The following STK39 variants were observed in gnomAD, a reference collection of about 807,000 sequenced individuals.
STK39 encodes the protein serine/threonine kinase 39, also known as STE20/SPS1-related proline-alanine-rich protein kinase.
Under a neutral mutation model 77.8 loss-of-function variants are expected in STK39, and 20 were observed. The observed-to-expected ratio is 0.26, with a 90% CI of 0.18 to 0.37. The LOEUF (loss-of-function observed/expected upper bound fraction) is 0.37, where lower values mean the gene tolerates loss of function less well. Ranked by LOEUF, STK39 falls within the 10% of genes least tolerant of loss-of-function variation. The pLI, the probability that STK39 is intolerant of heterozygous loss-of-function variation, is 1.00. For synonymous variants in STK39, 246 were observed against 234.1 expected, an observed-to-expected ratio of 1.05 and a Z score of -0.47; for missense variants, 479 against 656.5, an observed-to-expected ratio of 0.73 and a Z score of 2.95.
chr2:168,058,816 C>T (rs957106392), intron 14 of STK39, among the ~76,000 whole-genome samples: 7 of 152,258 alleles, frequency 4.6e-5, no homozygotes, highest in Non-Finnish European at 1.0e-4. Context: ...GGGACTCTCA[C>T]AGCCACCTTA....
intron 14 of STK39, among the ~76,000 whole-genome samples, chr2:168,038,011 A>G (rs1685002541): frequency 1.3e-5 from 2 of 152,162 alleles, no homozygotes; most frequent in African/African-American, 4.8e-5. Context: ...AACTATGTAA[A>G]TGTGTTTTGT....
chr2:168,152,595 G>A (rs1466735808), intron 5 of STK39, among the ~76,000 whole-genome samples: 1 of 152,184 alleles, frequency 6.6e-6, no homozygotes. Context: ...AGATTTGAGA[G>A]TGAAGTGCTT....
At chr2:168,018,578 G>T (rs1684489129) in intron 14 of STK39, among the ~76,000 whole-genome samples, 2 of 144,390 alleles carry the variant, frequency 1.4e-5, no homozygotes, top group Non-Finnish European at 3.0e-5. Context: ...AAGAAAGAAA[G>T]AAAGAAAGAA....
intron 16 of STK39, among the ~76,000 whole-genome samples, chr2:167,980,517 G>C (rs1244033765): frequency 6.6e-6 from 1 of 152,194 alleles, no homozygotes; most frequent in Non-Finnish European, 1.5e-5. Flanking sequence ...CGGATATGAG[G>C]AATGCTACCT....
intron 14 of STK39, among the ~76,000 whole-genome samples, chr2:168,035,734 G>A (rs1279916679): frequency 6.6e-6 from 1 of 152,188 alleles, no homozygotes; most frequent in East Asian, 1.9e-4. Flanking sequence ...GAGCTGGAAG[G>A]AAACTTTGTG....
intron 1 of STK39, among the ~76,000 whole-genome samples, chr2:168,246,325 T>C (rs1198984958): frequency 6.6e-6 from 1 of 152,212 alleles, no homozygotes; most frequent in Non-Finnish European, 1.5e-5. Context: ...CTTCAAGTGC[T>C]TGGCCCAAGG....
At chr2:167,968,642 G>C (rs1025695566) in intron 16 of STK39, among the ~76,000 whole-genome samples, 1 of 152,176 alleles carries the variant, frequency 6.6e-6, no homozygotes, top group African/African-American at 2.4e-5. Flanking sequence ...TACCTGACAA[G>C]GTGATGACTT....
intron 14 of STK39, among the ~76,000 whole-genome samples, chr2:168,062,421 G>A (rs1190477472): frequency 1.3e-5 from 2 of 152,214 alleles, no homozygotes; most frequent in African/African-American, 4.8e-5. Flanking sequence ...CAAGGCTACT[G>A]TCAAATATAA....
intron 5 of STK39, among the ~76,000 whole-genome samples, chr2:168,148,159 G>A (rs565363431): frequency 9.9e-5 from 15 of 152,188 alleles, no homozygotes; most frequent in Admixed American, 3.9e-4. Context: ...AAGTGCTTTC[G>A]CTCCCTTAAC....
chr2:167,978,692 G>A (rs1343392454), intron 16 of STK39, among the ~76,000 whole-genome samples: 1 of 152,112 alleles, frequency 6.6e-6, no homozygotes, highest in Non-Finnish European at 1.5e-5. Flanking sequence ...ACACACTCAT[G>A]AAACCATCAC....
chr2:168,089,200 C>A (rs570562844), intron 10 of STK39, among the ~76,000 whole-genome samples: 6 of 152,306 alleles, frequency 3.9e-5, no homozygotes, highest in Admixed American at 3.9e-4. Context: ...AGTTCCTAGG[C>A]AAAGAGTGTC....
intron 1 of STK39, among the ~76,000 whole-genome samples, chr2:168,225,286 CTG>C (rs2105249304): frequency 1.2e-5 from 1 of 83,316 alleles, no homozygotes; most frequent in East Asian, 2.3e-4. Flanking sequence ...GGAGAAGATA[CTG>C]CTGATAAAAC....
intron 17 of STK39, among the ~76,000 whole-genome samples, chr2:167,956,696 ACTCTCTCTCTCTCT>A (rs869141537): frequency 8.2e-5 from 4 of 49,014 alleles, no homozygotes; most frequent in South Asian, 1.3e-3. Context: ...ACACACACAC[ACTCTCTCTCTCTCT>A]CTCTCTCTCT....
chr2:168,079,209 C>T (rs971774627), intron 10 of STK39, among the ~76,000 whole-genome samples: 3 of 152,018 alleles, frequency 2.0e-5, no homozygotes, highest in Admixed American at 6.6e-5. Context: ...CTGACCACCA[C>T]CTCTCTCGGC....
At chr2:168,056,816 C>G (rs899683730) in intron 14 of STK39, among the ~76,000 whole-genome samples, 28 of 152,254 alleles carry the variant, frequency 1.8e-4, no homozygotes, top group Middle Eastern at 6.8e-3. Context: ...CTGATCAACA[C>G]CAGCCAAAAG....
chr2:168,132,410 T>C (rs1687722780), intron 8 of STK39, among the ~76,000 whole-genome samples: 1 of 151,896 alleles, frequency 6.6e-6, no homozygotes, highest in Admixed American at 6.6e-5. Flanking sequence ...AAAAAAAAAA[T>C]CTGATCCTCT....
chr2:167,956,450 G>A (rs1483850612), intron 17 of STK39, among the ~76,000 whole-genome samples: 2 of 152,010 alleles, frequency 1.3e-5, no homozygotes, highest in Non-Finnish European at 2.9e-5. Flanking sequence ...CCAGCTACTT[G>A]GGAGGCTGAG....
intron 16 of STK39, among the ~76,000 whole-genome samples, chr2:167,969,126 G>T (rs1023468841): frequency 6.6e-6 from 1 of 152,128 alleles, no homozygotes. Context: ...TCACTGATAG[G>T]GTTTGTTTTG....
chr2:168,117,460 A>C (rs570942121), intron 10 of STK39, among the ~76,000 whole-genome samples: 1 of 152,332 alleles, frequency 6.6e-6, no homozygotes, highest in African/African-American at 2.4e-5. Flanking sequence ...TCCATGCTCC[A>C]CAAGAATTGA....
Sources: allele counts gnomAD v4.1 joint callset (sites outside exome capture counted in the v4.1 genomes callset), GRCh38; gene constraint gnomAD v4.1.1; transcripts MANE v1.5; gene names NCBI Gene and HGNC (gene_info 2026-07-23, HGNC 2026-07-21).